DEF8: variants seen among roughly 807,000 people sequenced by gnomAD.
DEF8 encodes differentially expressed in FDCP 8 homolog.
DEF8 carries 38 observed loss-of-function variants against 59.1 expected under a neutral mutation model. The observed-to-expected ratio is 0.64, with a 90% CI of 0.50 to 0.84. The LOEUF (loss-of-function observed/expected upper bound fraction) is 0.84. DEF8 is among the 40% of genes least tolerant of loss of function. The pLI is 0.00. For synonymous variants in DEF8, 265 were observed against 250.1 expected (o/e 1.06, Z -0.56); for missense variants, 557 against 615.2 (o/e 0.91, Z 1.00).
rs1396211747 is a variant in DEF8 at position 89,954,696 on chromosome 16, G to A, written c.124+320G>A. Among the ~76,000 whole-genome samples the A allele has an allele frequency of 6.6e-6, 1 of 152,198 alleles. No individual in the cohort carries two copies. The highest frequency in any genetic ancestry group is 2.4e-5 in the African/African-American group (1 of 41,440). ...CCTGGTAAGGGAGAGGTTAGCCGAG[G>A]GAACGTGCTCTGGGCGTCAGGGTGG... On this transcript the variant is annotated intron_variant, in intron 3 of 12. Transcript: ENST00000563594. The surrounding 1 kb of genome is among the most constrained non-coding windows in gnomAD (Gnocchi z 4.3).
Position 89,956,563 on chromosome 16 carries a change from T to G in DEF8, c.223-948T>G, listed in dbSNP as rs183674193. On this transcript the variant is annotated intron_variant, in intron 4 of 12. Coordinates refer to ENST00000563594, the MANE Select transcript of DEF8 (RefSeq NM_001242818.2). Reference sequence around the variant, plus strand: ...CTGTTGCCCCCGCTGTGAAGTGCAGTGGCGCAATCATGGCTCACTGCAGCC... The same window carrying G: ...CTGTTGCCCCCGCTGTGAAGTGCAGGGGCGCAATCATGGCTCACTGCAGCC... 4 of 151,986 alleles carry G rather than the reference T, an allele frequency of 2.6e-5. No individual in the cohort carries two copies. The East Asian group carries it at 7.8e-4, about 29-fold the overall frequency. The allele number at this position is 151,986 out of a possible 1,614,324, so 9.4% of individuals were successfully genotyped here.
chr16:89,954,214 G>C lies in DEF8; in HGVS notation c.-10-29G>C. 1.2e-6 allele frequency: 2 copies of C among 1,606,492 alleles called. No homozygotes were observed. Among genetic ancestry groups the C allele is most frequent in the Non-Finnish European group, 1.7e-6 (2 of 1,176,986 alleles). On this transcript the variant is annotated intron_variant, in intron 2 of 12. Coordinates refer to ENST00000563594, the MANE Select transcript of DEF8 (RefSeq NM_001242818.2). The surrounding 1 kb of genome is among the most constrained non-coding windows in gnomAD (Gnocchi z 4.3). ...GTCCGTGGTGAGCCTGGTACCTGGG[G>C]ACTCATCCTGGCCCTGCCTGGCCCT...
chr16:89,951,001 A>C (rs1363464896), intron 2 of DEF8, among the ~76,000 whole-genome samples: 1 of 152,126 alleles, frequency 6.6e-6, no homozygotes, highest in Non-Finnish European at 1.5e-5. Flanking sequence ...AATAATGATA[A>C]ATTATAATCA....
intron 4 of DEF8, 23 bp downstream of exon 4, chr16:89,955,289 G>A: frequency 6.2e-7 from 1 of 1,601,068 alleles, no homozygotes. Context: ...ATCTCGGAGG[G>A]GAGAGGGACT....
Position 89,959,050 on chromosome 16 carries a change from C to T in DEF8, c.409C>T (p.Leu137Phe). 1 of 1,613,464 alleles carries T rather than the reference C, an allele frequency of 6.2e-7. No individual in the cohort carries two copies. The change falls in exon 6 of 13, where the codon CTT becomes TTT. Residue 137 changes from leucine to phenylalanine, a missense_variant. Transcript: ENST00000563594. ...GGATGAGCCAAACATCCGAGTGCTC[C>T]TTGAGCACCGCTTTTACAAGGAGAA... ...NEDEPNIRVL[L>F]EHRFYKEKSK... is the part of the protein sequence containing the mutation.
At chr16:89,952,247 C>T (rs1484276540) in intron 2 of DEF8, among the ~76,000 whole-genome samples, 1 of 152,244 alleles carries the variant, frequency 6.6e-6, no homozygotes, top group Non-Finnish European at 1.5e-5. Flanking sequence ...GTCCTCCTGC[C>T]TTGGCCTTCC....
rs2033429943 is a variant in DEF8 at position 89,957,641 on chromosome 16, T to A, written c.353T>A (p.Leu118Gln). 1.9e-6 allele frequency: 3 copies of A among 1,566,722 alleles called. No homozygotes were observed. In the Admixed American group the frequency reaches 5.6e-5, roughly 29 times the overall value. The change falls in exon 5 of 13, where the codon CTG (leucine) becomes CAG (glutamine). Residue 118 changes from leucine (L) to glutamine (Q), a missense_variant. Transcript: ENST00000563594. ...GTGGTGCGACTCATCCACCTCCGGC[T>A]GAAGCTCCAGGAGCTGAAGGTGGGT... is the stretch of plus-strand genomic sequence containing the variant. ...DAVVRLIHLR[L>Q]KLQELKDPNE...
rs2033405979 is a variant in DEF8, at chr16:89,957,506, G to C, written c.223-5G>C. On this transcript the variant is annotated splice_region_variant and splice_polypyrimidine_tract_variant and intron_variant, in intron 4 of 12. Coordinates refer to ENST00000563594, the MANE Select transcript of DEF8 (RefSeq NM_001242818.2). ...TTTGACTGCCCCCGCCCCCAACCTGGGCAGGGTCTGTTCCTGGCCTCTGAC... is the reference window on the plus strand; with the variant it reads ...TTTGACTGCCCCCGCCCCCAACCTGCGCAGGGTCTGTTCCTGGCCTCTGAC... The C allele has an allele frequency of 1.9e-6, 3 of 1,579,512 alleles. No individual in the cohort carries two copies. In the African/African-American group the frequency reaches 4.0e-5, roughly 21 times the overall value.
rs922191560 is a variant in DEF8 at position 89,957,538 on chromosome 16, C to G, written c.250C>G (p.Gln84Glu). Residue 84 changes from glutamine (Q) to glutamate (E), a missense_variant, in exon 5 of 13, where the codon CAG (glutamine) becomes GAG (glutamate). Physicochemically the swap from Gln to Glu is conservative, Grantham distance 29. Transcript: ENST00000563594. ...TCTGTTCCTGGCCTCTGACGTCCAG[C>G]AGCTGCGGCAGGCGATCGAGGAGTG... ...VGLFLASDVQ[Q>E]LRQAIEECKQ... 2.5e-6 allele frequency: 4 copies of G among 1,592,254 alleles called. No individual in the cohort carries two copies. In the African/African-American group the frequency reaches 5.4e-5, roughly 21 times the overall value.
Position 89,954,797 on chromosome 16 carries a change from C to T in DEF8, c.125-372C>T, listed in dbSNP as rs986598561. ...GGCAGCTGCAGAGACGGCCTGGAGT[C>T]GACACTGGGGTTCGTGGATTTTGCT... is the stretch of plus-strand genomic sequence containing the variant. On this transcript the variant is annotated intron_variant, in intron 3 of 12. Coordinates refer to ENST00000563594, the MANE Select transcript of DEF8 (RefSeq NM_001242818.2). This position sits in a 1 kb window ranked among gnomAD's most constrained non-coding sequence, Gnocchi z 4.3. 2.6e-5 allele frequency among the ~76,000 whole-genome samples: 4 copies of T among 152,124 alleles called. No individual in the cohort carries two copies. The highest frequency in any genetic ancestry group is 4.4e-5 in the Non-Finnish European group (3 of 68,028).
rs910301882 is a variant in DEF8, at chr16:89,963,369, C to T, written c.928C>T (p.Arg310Cys). The change falls in exon 10 of 13, where the codon CGC (arginine) becomes TGC (cysteine). Residue 310 changes from arginine to cysteine, a missense_variant. Transcript: ENST00000563594. The stretch of plus-strand genomic sequence containing the variant: ...GCTCCCGCCTTGTTTGCAGAAGCTG[C>T]GCCAGGACATCCTGCTCATGAAGCC... The part of the protein sequence containing the change: ...VEELVEIRKL[R>C]QDILLMKPYF... 3 of 1,613,500 alleles carry T rather than the reference C, an allele frequency of 1.9e-6. No homozygotes were observed. The highest frequency in any genetic ancestry group is 2.2e-5 in the East Asian group (1 of 44,826).
chr16:89,953,980 G>C (rs2032665226), intron 2 of DEF8, among the ~76,000 whole-genome samples: 2 of 152,240 alleles, frequency 1.3e-5, no homozygotes, highest in Non-Finnish European at 2.9e-5. Context: ...GGGCCCCTCA[G>C]ATGGGCCACG....
In DEF8 at chr16:89,959,387, A is replaced by G. The variant is rs539329496; in HGVS notation, c.514+232A>G. ...TTACATGGTGTGTCTAGTTTGTACAATGAAGAAAAAGGGAAAGGACCTAGC... is the reference window on the plus strand; with the variant it reads ...TTACATGGTGTGTCTAGTTTGTACAGTGAAGAAAAAGGGAAAGGACCTAGC... On this transcript the variant is annotated intron_variant, in intron 6 of 12. Coordinates refer to ENST00000563594, the MANE Select transcript of DEF8 (RefSeq NM_001242818.2). The G allele has an allele frequency of 1.1e-5, 16 of 1,408,736 alleles. No homozygotes were observed. The African/African-American group carries it at 1.9e-4, about 16-fold the overall frequency. 87.3% of individuals were successfully genotyped at this position (1,408,736 alleles called of 1,614,324 possible).
In DEF8 at chr16:89,962,134, G is replaced by A. The variant is rs1194891180; in HGVS notation, c.921+9G>A. ...AGCTGGTGGAGATTCGCGTGAGGCT[G>A]GGGCCATGGAAGTGGGGGGCGGGGG... On this transcript the variant is annotated intron_variant, in intron 9 of 12. Coordinates refer to ENST00000563594, the MANE Select transcript of DEF8 (RefSeq NM_001242818.2). 3.1e-6 allele frequency: 5 copies of A among 1,611,690 alleles called. No homozygotes were observed. The highest frequency in any genetic ancestry group is 4.2e-6 in the Non-Finnish European group (5 of 1,178,596).
chr16:89,958,772 T>C (rs1373961134), intron 5 of DEF8, among the ~76,000 whole-genome samples: 4 of 152,302 alleles, frequency 2.6e-5, no homozygotes, highest in Non-Finnish European at 4.4e-5. Flanking sequence ...AGCCCCTCGC[T>C]GCAAGGGATG....
chr16:89,958,970 A>G, intron 5 of DEF8, 44 bp from the exon 6 acceptor site: 1 of 1,598,856 alleles, frequency 6.3e-7, no homozygotes, highest in Non-Finnish European at 8.5e-7. Flanking sequence ...AAGGAACTTC[A>G]GCCCAGCTCA....
chr16:89,954,458 C>A lies in DEF8; in HGVS notation c.124+82C>A. ...GACCCCTCCTTTCTTCCTGCCGCGTCCTGCGCAGCCCTGGCTTTCCCACGG... is the reference window on the plus strand; with the variant it reads ...GACCCCTCCTTTCTTCCTGCCGCGTACTGCGCAGCCCTGGCTTTCCCACGG... On this transcript the variant is annotated intron_variant, in intron 3 of 12. Coordinates refer to ENST00000563594, the MANE Select transcript of DEF8 (RefSeq NM_001242818.2). The surrounding 1 kb of genome is among the most constrained non-coding windows in gnomAD (Gnocchi z 4.3). 2.1e-6 allele frequency: 3 copies of A among 1,457,162 alleles called. No homozygotes were observed. The highest frequency in any genetic ancestry group is 1.9e-6 in the Non-Finnish European group (2 of 1,075,034). 90.3% of individuals were successfully genotyped at this position (1,457,162 alleles called of 1,614,324 possible).
Position 89,967,371 on chromosome 16 carries a change from G to A in DEF8, c.*1408G>A, listed in dbSNP as rs1217356451. ...GGCTCATTCCAGGAGTGGGAGAGACGGCAGGGTCTCCTCTTTGTCCTCCGG... is the reference window on the plus strand; with the variant it reads ...GGCTCATTCCAGGAGTGGGAGAGACAGCAGGGTCTCCTCTTTGTCCTCCGG... On this transcript the variant is annotated 3_prime_UTR_variant, in exon 13 of 13. Coordinates refer to ENST00000563594, the MANE Select transcript of DEF8 (RefSeq NM_001242818.2). 2.5e-6 allele frequency: 1 copy of A among 398,658 alleles called. No individual in the cohort carries two copies. The highest frequency in any genetic ancestry group is 3.6e-5 in the East Asian group (1 of 28,074). The allele number at this position is 398,658 out of a possible 1,614,324, so 24.7% of individuals were successfully genotyped here. A position where few individuals can be genotyped will look rare whatever the true frequency, so the allele number is the denominator to read the frequency against.
Position 89,961,865 on chromosome 16 carries a change from G to A in DEF8, c.807+1G>A, listed in dbSNP as rs2034066523. ...CAACTGGGACTTTGAGCCTCGAAAG[G>A]TGGGGGTTGGAAGGTGGGGGCATCC... On this transcript the variant is annotated splice_donor_variant, in intron 8 of 12. Coordinates refer to ENST00000563594, the MANE Select transcript of DEF8 (RefSeq NM_001242818.2). LOFTEE classifies it high-confidence loss of function. 1 of 1,599,520 alleles carries A rather than the reference G, an allele frequency of 6.3e-7. No homozygotes were observed. Among genetic ancestry groups the A allele is most frequent in the Non-Finnish European group, 8.5e-7 (1 of 1,171,018 alleles).
Sources: gnomAD v4.1 joint callset for allele counts (sites outside exome capture counted in the v4.1 genomes callset) on GRCh38, gnomAD v4.1.1 for gene constraint, Gnocchi (gnomAD v3.1) non-coding constraint, MANE v1.5 for transcripts, NCBI Gene and HGNC (gene_info 2026-07-23, HGNC 2026-07-21) for gene names.